ABCA6: variants seen among roughly 807,000 people sequenced by gnomAD.
The protein encoded by ABCA6 is ATP binding cassette subfamily A member 6.
ABCA6 carries 164 observed loss-of-function variants against 191.2 expected under a neutral mutation model. The ratio of observed to expected loss-of-function variants is 0.86; its 90% CI spans 0.76 to 0.98. The LOEUF (loss-of-function observed/expected upper bound fraction) is 0.98. ABCA6 is among the 50% of genes least tolerant of loss of function. The pLI is 0.00. For synonymous variants in ABCA6, 636 were observed against 647.7 expected (o/e 0.98, Z 0.27); for missense variants, 1,958 against 1,894.1 (o/e 1.03, Z -0.63).
intron 20 of ABCA6, among the ~76,000 whole-genome samples, 187 bp from the exon 21 acceptor site, chr17:69,103,155 C>T (rs1568011337): frequency 6.6e-6 from 1 of 151,876 alleles, no homozygotes; most frequent in Non-Finnish European, 1.5e-5. Flanking sequence ...AATCTTATAC[C>T]ACAATGAATT....
Position 69,081,391 on chromosome 17 carries a change from G to A in ABCA6, c.4617-246C>T, listed in dbSNP as rs574535841. 7.2e-5 allele frequency among the ~76,000 whole-genome samples: 11 copies of A among 152,276 alleles called. 1 individual carries two copies. The East Asian group carries it at 9.6e-4, about 13-fold the overall frequency. On this transcript the variant is annotated intron_variant, in intron 36 of 38. Transcript: ENST00000284425. ...TGCTCAGCTTATGCAAAACCTTTGC[G>A]TGTTGAAAATCAGGTATTCTGAACT... is the stretch of plus-strand genomic sequence containing the variant.
chr17:69,105,923 C>T (rs927793854), intron 19 of ABCA6, 105 bp downstream of exon 19: 5 of 1,245,352 alleles, frequency 4.0e-6, no homozygotes, highest in Non-Finnish European at 5.5e-6. Flanking sequence ...TTATCCACCC[C>T]GTGGCAGGAA....
intron 8 of ABCA6, 53 bp downstream of exon 8, chr17:69,128,566 A>T: frequency 7.1e-7 from 1 of 1,415,890 alleles, no homozygotes; most frequent in Non-Finnish European, 9.7e-7. Flanking sequence ...CAGCGTATGA[A>T]GTATCTACTT....
chr17:69,089,950 G>A (rs1198887418), intron 26 of ABCA6, among the ~76,000 whole-genome samples: 1 of 152,100 alleles, frequency 6.6e-6, no homozygotes, highest in African/African-American at 2.4e-5. Flanking sequence ...CCTTTTCAGA[G>A]CCCCTTCTTA....
intron 17 of ABCA6, chr17:69,108,216 T>C (rs1183124899): frequency 6.0e-6 from 1 of 166,456 alleles, no homozygotes; most frequent in Non-Finnish European, 1.3e-5. Flanking sequence ...TTAAAGTCAA[T>C]AACACAACCT....
At chr17:69,089,642 C>T (rs2072881861) in intron 26 of ABCA6, 100 bp from the exon 27 acceptor site, 1 of 1,004,408 alleles carries the variant, frequency 1.0e-6, no homozygotes. Flanking sequence ...ATATTTTCCT[C>T]ATAGATCTCA....
chr17:69,097,097 A>AT (rs750425520), intron 23 of ABCA6, among the ~76,000 whole-genome samples: 18 of 152,204 alleles, frequency 1.2e-4, no homozygotes, highest in Non-Finnish European at 2.5e-4. Flanking sequence ...ATTAAACTCT[A>AT]TAAAAATAAG....
At chr17:69,116,381 C>T (rs2073539230) in intron 11 of ABCA6, among the ~76,000 whole-genome samples, 1 of 151,990 alleles carries the variant, frequency 6.6e-6, no homozygotes, top group South Asian at 2.1e-4. Flanking sequence ...GTGTTTATTG[C>T]TATTGTTGTC....
In ABCA6 at chr17:69,089,560, A is replaced by AAC. The variant is rs770444398; in HGVS notation, c.3529-20_3529-19dup. The stretch of plus-strand genomic sequence containing the variant: ...TGGTCTCTCTGAAAAGACAAAACAA[A>AAC]ACACACACACACTAATGATAATTCA... On this transcript the variant is annotated intron_variant, in intron 26 of 38. Transcript: ENST00000284425. The AAC allele has an allele frequency of 1.2e-5, 19 of 1,576,644 alleles. No homozygotes were observed. Among genetic ancestry groups the AAC allele is most frequent in the Admixed American group, 1.7e-5 (1 of 59,664 alleles).
At chr17:69,089,951 C>G (rs190937070) in intron 26 of ABCA6, among the ~76,000 whole-genome samples, 132 of 152,216 alleles carry the variant, frequency 8.7e-4, no homozygotes, top group African/African-American at 3.1e-3. Context: ...CTTTTCAGAG[C>G]CCCTTCTTAT....
Position 69,114,902 on chromosome 17 carries a change from T to C in ABCA6, c.1642A>G (p.Met548Val), listed in dbSNP as rs200006023. The C allele has an allele frequency of 6.2e-7, 1 of 1,611,914 alleles. No homozygotes were observed. Among genetic ancestry groups the C allele is most frequent in the Non-Finnish European group, 8.5e-7 (1 of 1,178,830 alleles). ...VTIYNKNLSE[M>V]QDLEEIRKIT... ...TTTCTGATTTCCTCCAAGTCTTGCATTTCAGAGAGATTTTTATTATAGATG... is the reference window on the plus strand; with the variant it reads ...TTTCTGATTTCCTCCAAGTCTTGCACTTCAGAGAGATTTTTATTATAGATG... The change falls in exon 13 of 39, where the codon ATG becomes GTG. Residue 548 changes from methionine to valine, a missense_variant. Coordinates refer to ENST00000284425, the MANE Select transcript of ABCA6 (RefSeq NM_080284.3).
At chr17:69,108,523 G>A (rs1239684275) in intron 17 of ABCA6, 1 of 152,218 alleles carries the variant, frequency 6.6e-6, no homozygotes, top group Non-Finnish European at 1.5e-5. Context: ...GGCTCCATGA[G>A]AGTAGAGACA....
rs1462293121 is a variant in ABCA6, at chr17:69,079,259, T to G, written c.4703A>C (p.His1568Pro). 1.2e-6 allele frequency: 2 copies of G among 1,604,772 alleles called. No individual in the cohort carries two copies. Among genetic ancestry groups the G allele is most frequent in the African/African-American group, 1.3e-5 (1 of 74,774 alleles). Reference sequence around the variant, plus strand: ...GCTGTATTCTTCCAGGTTAAAGTTATGCTTCACTGGAGGAAAAAAAAGACT... The same window carrying G: ...GCTGTATTCTTCCAGGTTAAAGTTAGGCTTCACTGGAGGAAAAAAAAGACT... The part of the protein sequence containing the change: ...QTFHKLEAVK[H>P]NFNLEEYSLS... Residue 1568 changes from histidine to proline, a missense_variant, in exon 38 of 39, where the codon CAT (histidine) becomes CCT (proline). By Grantham distance (77) the His-to-Pro change is moderately conservative. Transcript: ENST00000284425.
chr17:69,134,518 A>G, intron 5 of ABCA6, 121 bp downstream of exon 5: 1 of 700,170 alleles, frequency 1.4e-6, no homozygotes, highest in Non-Finnish European at 2.4e-6. Context: ...CAAATTACCC[A>G]ATCTCAAGTA....
intron 17 of ABCA6, chr17:69,109,805 C>A (rs1050391022): frequency 1.3e-5 from 2 of 152,086 alleles, no homozygotes; most frequent in African/African-American, 4.8e-5. Flanking sequence ...GTTCAAGGCA[C>A]CCCTATTTTA....
rs752826109 is a variant in ABCA6 at position 69,085,048 on chromosome 17, G to A, written c.4164C>T (p.Asp1388=). 11 of 1,610,814 alleles carry A rather than the reference G, an allele frequency of 6.8e-6. No homozygotes were observed. The highest frequency in any genetic ancestry group is 3.3e-4 in the Middle Eastern group (2 of 6,048). Residue 1388 remains aspartate, a synonymous_variant, in exon 32 of 39, where the codon GAC becomes GAT. Transcript: ENST00000284425. ...TGTACCTTGCGATGGCGAGCCTCGC[G>A]TCCGCTTTCCTGAGCCCCTTGACGG... ...YAAVKGLRKA[D]ARLAIARLVS...
intron 28 of ABCA6, 144 bp downstream of exon 28, chr17:69,088,023 T>G: frequency 1.4e-6 from 1 of 710,828 alleles, no homozygotes; most frequent in Non-Finnish European, 2.1e-6. Flanking sequence ...CTCTTGGCAG[T>G]AAGGCAGCAA....
chr17:69,132,454 G>A (rs1241397729), intron 6 of ABCA6, among the ~76,000 whole-genome samples: 2 of 151,856 alleles, frequency 1.3e-5, no homozygotes, highest in African/African-American at 2.4e-5. Flanking sequence ...TAGGTGTTTT[G>A]TTTTTGTTTT....
At chr17:69,110,513 C>A in intron 17 of ABCA6, 1 of 276,682 alleles carries the variant, frequency 3.6e-6, no homozygotes, top group Non-Finnish European at 6.8e-6. Flanking sequence ...CATTTATTTC[C>A]CTCCCGTGGG....
Sources: gnomAD v4.1 joint callset for allele counts (sites outside exome capture counted in the v4.1 genomes callset) on GRCh38, gnomAD v4.1.1 for gene constraint, MANE v1.5 for transcripts, NCBI Gene and HGNC (gene_info 2026-07-23, HGNC 2026-07-21) for gene names.